The following SPATA16 variants were observed in gnomAD, a reference collection of about 807,000 sequenced individuals.
The protein encoded by SPATA16 is spermatogenesis associated 16.
A neutral mutation model predicts 63.3 loss-of-function variants in SPATA16; 36 were observed. That is an observed-to-expected ratio of 0.57 (90% CI 0.44 to 0.75). SPATA16 has a LOEUF of 0.75. Among genes scored for constraint, SPATA16 ranks in the 30% least tolerant of loss-of-function variants. The pLI is 0.00. For synonymous variants in SPATA16, 203 were observed against 216.7 expected, an observed-to-expected ratio of 0.94 and a Z score of 0.56; for missense variants, 646 against 679.3, an observed-to-expected ratio of 0.95 and a Z score of 0.54.
chr3:172,994,982 T>A (rs997732871), intron 4 of SPATA16, among the ~76,000 whole-genome samples: 2 of 152,142 alleles, frequency 1.3e-5, no homozygotes, highest in Non-Finnish European at 2.9e-5. Flanking sequence ...GCTTGAATAT[T>A]CAGATGGTGC....
chr3:172,994,174 T>C (rs894404538), intron 4 of SPATA16, among the ~76,000 whole-genome samples: 5 of 152,190 alleles, frequency 3.3e-5, no homozygotes, highest in African/African-American at 4.8e-5. Context: ...AAGATTTAGA[T>C]ACCAAGAGTA....
Position 173,113,433 on chromosome 3 carries a change from C to T in SPATA16, c.612+3687G>A, listed in dbSNP as rs1040415407. Among the ~76,000 whole-genome samples, 5 of 152,124 alleles carry T rather than the reference C, an allele frequency of 3.3e-5. No homozygotes were observed. In the East Asian group the frequency reaches 9.6e-4, roughly 29 times the overall value. The stretch of plus-strand genomic sequence containing the variant: ...ACCAATTTTACCCACATAACTGGTT[C>T]ACCTTTATACAGTAAAAAGAAAGCA... On this transcript the variant is annotated intron_variant, in intron 2 of 10. Coordinates refer to ENST00000351008, the MANE Select transcript of SPATA16 (RefSeq NM_031955.6).
intron 1 of SPATA16, among the ~76,000 whole-genome samples, chr3:173,130,215 C>A (rs1264752592): frequency 6.6e-6 from 1 of 151,962 alleles, no homozygotes; most frequent in African/African-American, 2.4e-5. Context: ...CAAAAATTAG[C>A]TGGGCATGGT....
intron 9 of SPATA16, among the ~76,000 whole-genome samples, chr3:172,914,443 A>C (rs914116292): frequency 1.3e-5 from 2 of 152,198 alleles, no homozygotes; most frequent in Non-Finnish European, 2.9e-5. Context: ...AAAAAATACC[A>C]GTTCAGTTCA....
intron 2 of SPATA16, among the ~76,000 whole-genome samples, chr3:173,057,737 GTACAGAAAC>G (rs1437792812): frequency 1.3e-5 from 2 of 152,142 alleles, no homozygotes; most frequent in East Asian, 1.9e-4. Flanking sequence ...TCCACATTAA[GTACAGAAAC>G]GGAGTAAGCG....
At chr3:173,085,251 G>C (rs1737022872) in intron 2 of SPATA16, among the ~76,000 whole-genome samples, 1 of 151,922 alleles carries the variant, frequency 6.6e-6, no homozygotes, top group Admixed American at 6.6e-5. Context: ...TGTATTTGTA[G>C]GTATTTTATT....
chr3:173,056,476 G>A (rs1736225638), intron 2 of SPATA16, among the ~76,000 whole-genome samples: 1 of 152,122 alleles, frequency 6.6e-6, no homozygotes, highest in South Asian at 2.1e-4. Context: ...GCCGAGGCGG[G>A]TGGATCGCCT....
chr3:173,112,239 G>A (rs1177084580), intron 2 of SPATA16, among the ~76,000 whole-genome samples: 1 of 152,166 alleles, frequency 6.6e-6, no homozygotes, highest in Non-Finnish European at 1.5e-5. Context: ...AATCAATGTT[G>A]GACATACAAC....
At chr3:173,126,385 C>G (rs1052542062) in intron 1 of SPATA16, among the ~76,000 whole-genome samples, 5 of 152,130 alleles carry the variant, frequency 3.3e-5, no homozygotes, top group African/African-American at 7.2e-5. Context: ...CTTTAGAGAC[C>G]TTTGGCTACA....
chr3:172,923,360 C>G (rs1732657957), intron 8 of SPATA16, among the ~76,000 whole-genome samples: 1 of 152,082 alleles, frequency 6.6e-6, no homozygotes, highest in African/African-American at 2.4e-5. Context: ...TTTAGCTTTT[C>G]CAAAATGCTG....
chr3:172,906,554 G>T (rs922074153), intron 10 of SPATA16, among the ~76,000 whole-genome samples: 6 of 134,234 alleles, frequency 4.5e-5, no homozygotes, highest in African/African-American at 1.6e-4. Flanking sequence ...TTCCCCACTC[G>T]GCCTCACACC....
chr3:172,980,640 T>C (rs2108253964), intron 4 of SPATA16, among the ~76,000 whole-genome samples: 1 of 152,270 alleles, frequency 6.6e-6, no homozygotes, highest in East Asian at 1.9e-4. Context: ...TCTCATCCAA[T>C]CGCGCCTAAT....
chr3:173,057,047 G>A (rs1176023310), intron 2 of SPATA16, among the ~76,000 whole-genome samples: 1 of 150,538 alleles, frequency 6.6e-6, no homozygotes, highest in Non-Finnish European at 1.5e-5. Flanking sequence ...ACTTAGAAAA[G>A]TTTTCTTCGG....
At chr3:173,014,061 A>C (rs2108273263) in intron 4 of SPATA16, among the ~76,000 whole-genome samples, 1 of 152,332 alleles carries the variant, frequency 6.6e-6, no homozygotes, top group African/African-American at 2.4e-5. Context: ...CCACCATTCA[A>C]GTCAGCAATC....
intron 6 of SPATA16, among the ~76,000 whole-genome samples, chr3:172,943,842 A>G (rs908623552): frequency 1.1e-4 from 16 of 152,220 alleles, no homozygotes; most frequent in African/African-American, 3.6e-4. Flanking sequence ...GAGATAAAAT[A>G]TAAAAACTTC....
chr3:173,109,131 C>G (rs1737688629), intron 2 of SPATA16, among the ~76,000 whole-genome samples: 1 of 152,190 alleles, frequency 6.6e-6, no homozygotes, highest in Non-Finnish European at 1.5e-5. Flanking sequence ...CTTCCATACT[C>G]TACTACCATC....
chr3:173,086,851 A>G (rs1284572963), intron 2 of SPATA16, among the ~76,000 whole-genome samples: 2 of 152,132 alleles, frequency 1.3e-5, no homozygotes, highest in Non-Finnish European at 2.9e-5. Context: ...GTTTTGAGTG[A>G]GTTTCTTAAT....
At chr3:173,075,353 T>C (rs928910224) in intron 2 of SPATA16, among the ~76,000 whole-genome samples, 3 of 152,160 alleles carry the variant, frequency 2.0e-5, no homozygotes, top group African/African-American at 7.2e-5. Context: ...GTAAAATCAC[T>C]ATGAAGAATA....
At chr3:173,028,328 C>A (rs189695871) in intron 3 of SPATA16, among the ~76,000 whole-genome samples, 195 of 151,692 alleles carry the variant, frequency 1.3e-3, no homozygotes, top group African/African-American at 4.4e-3. Context: ...GACATTTATG[C>A]TGGATAATAG....
Sources: gnomAD v4.1 joint callset for allele counts (sites outside exome capture counted in the v4.1 genomes callset) on GRCh38, gnomAD v4.1.1 for gene constraint, MANE v1.5 for transcripts, NCBI Gene and HGNC (gene_info 2026-07-23, HGNC 2026-07-21) for gene names.